The following TMEM132A variants were observed in gnomAD, a reference collection of about 807,000 sequenced individuals.
TMEM132A encodes the protein transmembrane protein 132A, also known as GRP78-binding protein.
In TMEM132A, 48 loss-of-function variants were observed where a neutral mutation model predicts 69.9. The observed-to-expected ratio is 0.69, with a 90% CI of 0.55 to 0.87. TMEM132A has a LOEUF of 0.87. Ranked by LOEUF, TMEM132A falls within the 40% of genes least tolerant of loss-of-function variation. The pLI, the probability that TMEM132A is intolerant of heterozygous loss-of-function variation, is 0.00. For synonymous variants in TMEM132A, 577 were observed against 613.7 expected, an observed-to-expected ratio of 0.94 and a Z score of 0.88; for missense variants, 1,287 against 1,407.2, an observed-to-expected ratio of 0.91 and a Z score of 1.37.
rs1856626860 is a variant in TMEM132A at position 60,937,134 on chromosome 11, C to T, written c.*227C>T. On this transcript the variant is annotated 3_prime_UTR_variant, in exon 11 of 11. Coordinates refer to ENST00000453848, the MANE Select transcript of TMEM132A (RefSeq NM_178031.3). ...ATTTATGGGAACCATTTCATTCTAA[C>T]AGAATAAACCGAGAAGGAAACCAGA... 2.6e-6 allele frequency: 4 copies of T among 1,526,040 alleles called. No homozygotes were observed. The highest frequency in any genetic ancestry group is 2.3e-4 in the Middle Eastern group (1 of 4,390). 94.5% of individuals were successfully genotyped at this position (1,526,040 alleles called of 1,614,324 possible). A position where few individuals can be genotyped will look rare whatever the true frequency, so the allele number is the denominator to read the frequency against.
rs545575223 is a variant in TMEM132A, at chr11:60,924,496, G to A, written c.-138G>A. 1.1e-5 allele frequency: 5 copies of A among 473,480 alleles called. No homozygotes were observed. The Admixed American group carries it at 2.3e-4, about 22-fold the overall frequency. 29.3% of individuals were successfully genotyped at this position (473,480 alleles called of 1,614,324 possible). A position where few individuals can be genotyped will look rare whatever the true frequency, so the allele number is the denominator to read the frequency against. ...TCCATTGTCTGGGAATTGCAGCCGC[G>A]GGGCGGGCGGCGGCGGCGGCGGCGG... is the stretch of plus-strand genomic sequence containing the variant. On this transcript the variant is annotated 5_prime_UTR_variant, in exon 1 of 11. Coordinates refer to ENST00000453848, the MANE Select transcript of TMEM132A (RefSeq NM_178031.3).
chr11:60,934,942 G>C (rs904448056), intron 9 of TMEM132A, among the ~76,000 whole-genome samples, 178 bp downstream of exon 9: 9 of 152,138 alleles, frequency 5.9e-5, no homozygotes, highest in East Asian at 1.9e-4. Flanking sequence ...GCCGCATAAG[G>C]GGGGAAGCCC....
chr11:60,924,462 T>G lies in TMEM132A; in HGVS notation c.-172T>G, dbSNP rs1263767809. 1 of 398,646 alleles carries G rather than the reference T, an allele frequency of 2.5e-6. No homozygotes were observed. Among genetic ancestry groups the G allele is most frequent in the Non-Finnish European group, 4.2e-6 (1 of 235,420 alleles). The allele number at this position is 398,646 out of a possible 1,614,324, so 24.7% of individuals were successfully genotyped here. On this transcript the variant is annotated 5_prime_UTR_variant, in exon 1 of 11. Coordinates refer to ENST00000453848, the MANE Select transcript of TMEM132A (RefSeq NM_178031.3). ...TGCGATTCGCTCCCTCCCACCCCAC[T>G]GCTCCCGCTCCATTGTCTGGGAATT...
chr11:60,931,561 G>C, intron 5 of TMEM132A, 128 bp from the exon 6 acceptor site: 1 of 927,882 alleles, frequency 1.1e-6, no homozygotes, highest in Non-Finnish European at 1.7e-6. Flanking sequence ...GGTCTTAAGT[G>C]AGCTATGTAA....
intron 2 of TMEM132A, 96 bp from the exon 3 acceptor site, chr11:60,927,545 C>T (rs1856373527): frequency 2.1e-6 from 3 of 1,416,832 alleles, no homozygotes; most frequent in African/African-American, 2.8e-5. Context: ...AAACTGAGGC[C>T]CATAAAGGTT....
rs555818018 is a variant in TMEM132A at position 60,935,446 on chromosome 11, G to A, written c.2028+3G>A. 151 of 1,597,708 alleles carry A rather than the reference G, an allele frequency of 9.5e-5. No individual in the cohort carries two copies. The East Asian group carries it at 2.6e-3, about 28-fold the overall frequency. On this transcript the variant is annotated splice_donor_region_variant and intron_variant, in intron 10 of 10. Coordinates refer to ENST00000453848, the MANE Select transcript of TMEM132A (RefSeq NM_178031.3). This position sits in a 1 kb window ranked among gnomAD's most constrained non-coding sequence, Gnocchi z 5.0. ...CAGCCCTTCCCGCCCCAAAGCAGGT[G>A]ACAGTTGGGGGGTCAGGGGGATGAG...
chr11:60,934,575 C>A lies in TMEM132A; in HGVS notation c.1647C>A (p.Arg549=). The A allele has an allele frequency of 6.5e-7, 1 of 1,546,538 alleles. No individual in the cohort carries two copies. The highest frequency in any genetic ancestry group is 1.9e-5 in the Admixed American group (1 of 52,710). Residue 549 remains arginine (R), a synonymous_variant, in exon 9 of 11, where the codon CGC becomes CGA. Coordinates refer to ENST00000453848, the MANE Select transcript of TMEM132A (RefSeq NM_178031.3). ...CHLQYQRAGV[R]FLAPFAAHPL... ...TGCAGTACCAGCGGGCCGGTGTGCGCTTCCTCGCCCCCTTCGCGGCCCACC... is the reference window on the plus strand; with the variant it reads ...TGCAGTACCAGCGGGCCGGTGTGCGATTCCTCGCCCCCTTCGCGGCCCACC...
Position 60,934,597 on chromosome 11 carries a change from C to T in TMEM132A, c.1669C>T (p.His557Tyr). Residue 557 changes from histidine to tyrosine, a missense_variant, in exon 9 of 11, where the codon CAC becomes TAC. His to Tyr is a moderately conservative substitution (Grantham distance 83). Coordinates refer to ENST00000453848, the MANE Select transcript of TMEM132A (RefSeq NM_178031.3). ...GVRFLAPFAA[H>Y]PLDGGRRLTH... ...GCGCTTCCTCGCCCCCTTCGCGGCC[C>T]ACCCGCTGGACGGCGGCCGCCGCCT... The T allele has an allele frequency of 6.4e-7, 1 of 1,571,870 alleles. No homozygotes were observed. Among genetic ancestry groups the T allele is most frequent in the Non-Finnish European group, 8.6e-7 (1 of 1,167,796 alleles).
Position 60,936,666 on chromosome 11 carries a change from C to T in TMEM132A, c.2831C>T (p.Thr944Ile), listed in dbSNP as rs559986342. 3.0e-5 allele frequency: 47 copies of T among 1,552,442 alleles called. No homozygotes were observed. In the African/African-American group the frequency reaches 5.6e-4, roughly 19 times the overall value. ...PTLAPGPPGG[T>I]TSSSSTLARK... is the part of the protein sequence containing the mutation. ...CTGGCCCCTGGCCCTCCTGGGGGCACCACCAGCTCCTCAAGCACCCTGGCC... is the reference window on the plus strand; with the variant it reads ...CTGGCCCCTGGCCCTCCTGGGGGCATCACCAGCTCCTCAAGCACCCTGGCC... Residue 944 changes from threonine (T) to isoleucine (I), a missense_variant, in exon 11 of 11, where the codon ACC becomes ATC. Coordinates refer to ENST00000453848, the MANE Select transcript of TMEM132A (RefSeq NM_178031.3).
intron 3 of TMEM132A, 148 bp from the exon 4 acceptor site, chr11:60,928,481 T>A: frequency 2.7e-6 from 2 of 730,196 alleles, no homozygotes; most frequent in Non-Finnish European, 4.5e-6. Context: ...GCTGGTTTGC[T>A]GTGTCACTCA....
Position 60,934,524 on chromosome 11 carries a change from C to G in TMEM132A, c.1596C>G (p.Ala532=). The stretch of plus-strand genomic sequence containing the variant: ...CCGCTGCAGAGGCGTCGGATGAGGC[C>G]GAGCGGCGCGCCCGTGGCTGCCACC... ...AEPAAEASDE[A]ERRARGCHLQ... The change falls in exon 9 of 11, where the codon GCC becomes GCG. Residue 532 remains alanine, a synonymous_variant. Transcript: ENST00000453848. 6.9e-7 allele frequency: 1 copy of G among 1,449,884 alleles called. No individual in the cohort carries two copies. Among genetic ancestry groups the G allele is most frequent in the Non-Finnish European group, 9.0e-7 (1 of 1,111,066 alleles). The allele number at this position is 1,449,884 out of a possible 1,614,324, so 89.8% of individuals were successfully genotyped here. A position where few individuals can be genotyped will look rare whatever the true frequency, so the allele number is the denominator to read the frequency against.
intron 1 of TMEM132A, chr11:60,926,907 A>T (rs1229111284): frequency 4.1e-6 from 2 of 483,502 alleles, no homozygotes; most frequent in African/African-American, 3.9e-5. Context: ...GGGGAAAAGG[A>T]GACATTGAGA....
Position 60,935,748 on chromosome 11 carries a change from G to A in TMEM132A, c.2029-116G>A. On this transcript the variant is annotated intron_variant, in intron 10 of 10. Transcript: ENST00000453848. The surrounding 1 kb of genome is among the most constrained non-coding windows in gnomAD (Gnocchi z 5.0). ...CTCCCTGTGTTTTGTCTATCTGCCT[G>A]TGTCTCTGTTTTCTCTCTGGTCTCT... 1 of 1,235,926 alleles carries A rather than the reference G, an allele frequency of 8.1e-7. No individual in the cohort carries two copies. The highest frequency in any genetic ancestry group is 1.1e-6 in the Non-Finnish European group (1 of 879,526). The allele number at this position is 1,235,926 out of a possible 1,614,324, so 76.6% of individuals were successfully genotyped here.
At position 60,935,969 on chromosome 11, in the gene TMEM132A, G is replaced by A; in HGVS notation, c.2134G>A (p.Gly712Ser). ...ACTGTCCGTCTCAGCCGAGGAGCCT[G>A]GTGCCATCCTGCCAGCTGAGGAGCA... ...LGLSVSAEEP[G>S]AILPAEEQGA... Residue 712 changes from glycine to serine, a missense_variant, in exon 11 of 11, where the codon GGT becomes AGT. Coordinates refer to ENST00000453848, the MANE Select transcript of TMEM132A (RefSeq NM_178031.3). The surrounding 1 kb of genome is among the most constrained non-coding windows in gnomAD (Gnocchi z 5.0). 2.5e-6 allele frequency: 4 copies of A among 1,611,384 alleles called. No homozygotes were observed. The highest frequency in any genetic ancestry group is 2.5e-6 in the Non-Finnish European group (3 of 1,179,874).
intron 2 of TMEM132A, 51 bp from the exon 3 acceptor site, chr11:60,927,590 T>G: frequency 6.5e-7 from 1 of 1,533,532 alleles, no homozygotes; most frequent in Non-Finnish European, 8.9e-7. Flanking sequence ...TCTTCCTAGA[T>G]CTTCCCCTCC....
chr11:60,929,802 T>A (rs951017637), intron 4 of TMEM132A, among the ~76,000 whole-genome samples: 1 of 152,328 alleles, frequency 6.6e-6, no homozygotes, highest in Non-Finnish European at 1.5e-5. Context: ...TCACTCTTAT[T>A]AAGCAGATCT....
intron 7 of TMEM132A, 183 bp downstream of exon 7, chr11:60,932,310 GTAACCC>G: frequency 1.4e-6 from 1 of 696,684 alleles, no homozygotes; most frequent in East Asian, 3.1e-5. Flanking sequence ...CCCGAGTCAA[GTAACCC>G]TAACAGCCCC....
At chr11:60,930,419 C>A in intron 4 of TMEM132A, 91 bp from the exon 5 acceptor site, 1 of 1,433,198 alleles carries the variant, frequency 7.0e-7, no homozygotes, top group South Asian at 1.4e-5. Context: ...CCAGGGAGGT[C>A]AGATGGCTTT....
intron 7 of TMEM132A, 184 bp downstream of exon 7, chr11:60,932,311 T>C: frequency 3.0e-6 from 2 of 671,922 alleles, no homozygotes; most frequent in South Asian, 6.5e-5. Flanking sequence ...CCGAGTCAAG[T>C]AACCCTAACA....
Sources: allele counts gnomAD v4.1 joint callset (sites outside exome capture counted in the v4.1 genomes callset), GRCh38; gene constraint gnomAD v4.1.1; non-coding constraint Gnocchi (gnomAD v3.1); transcripts MANE v1.5; gene names NCBI Gene and HGNC (gene_info 2026-07-23, HGNC 2026-07-21).